The following COQ3 variants were observed in gnomAD, a reference collection of about 807,000 sequenced individuals.
The protein encoded by COQ3 is coenzyme Q3, methyltransferase.
COQ3 carries 29 observed loss-of-function variants against 33.1 expected under a neutral mutation model. The observed-to-expected ratio is 0.88, with a 90% confidence interval of 0.65 to 1.19. The LOEUF is 1.19. Among genes scored for constraint, COQ3 ranks in the 50% most tolerant of loss-of-function variants. The pLI is 0.00. For synonymous variants in COQ3, 173 were observed against 157.8 expected (o/e 1.10, Z -0.72); for missense variants, 437 against 430.7 (o/e 1.01, Z -0.13).
In COQ3 at chr6:99,369,534, T is replaced by G; in HGVS notation, c.*66A>C. 1 of 1,082,198 alleles carries G rather than the reference T, an allele frequency of 9.2e-7. No homozygotes were observed. Among genetic ancestry groups the G allele is most frequent in the Non-Finnish European group, 1.3e-6 (1 of 765,732 alleles). The allele number at this position is 1,082,198 out of a possible 1,614,324, so 67.0% of individuals were successfully genotyped here. A position where few individuals can be genotyped will look rare whatever the true frequency, so the allele number is the denominator to read the frequency against. On this transcript the variant is annotated 3_prime_UTR_variant, in exon 7 of 7. Transcript: ENST00000254759. ...TCATGATTCTCTCTCAAAGGATAAA[T>G]TGTACATTTTTGTATTTGAAAACAT...
rs747639241 is a variant in COQ3 at position 99,377,374 on chromosome 6, G to A, written c.486+12C>T. ...TCTCCCAGTTAAAAATGGCAGGAAA[G>A]CTGTCACTTACTTCAGTTAACAGCC... On this transcript the variant is annotated intron_variant, in intron 4 of 6. Transcript: ENST00000254759. 6.3e-7 allele frequency: 1 copy of A among 1,595,884 alleles called. No individual in the cohort carries two copies.
At chr6:99,377,625 A>G (rs936836914) in intron 3 of COQ3, 140 bp from the exon 4 acceptor site, 4 of 525,072 alleles carry the variant, frequency 7.6e-6, no homozygotes, top group Admixed American at 3.7e-5. Flanking sequence ...ATCTTTCAAC[A>G]TTGACATTTA....
chr6:99,371,368 C>T, intron 6 of COQ3, 60 bp downstream of exon 6: 1 of 1,105,188 alleles, frequency 9.0e-7, no homozygotes. Flanking sequence ...GTAATAATTA[C>T]TGGCATATTA....
chr6:99,379,392 A>C (rs890002941), intron 3 of COQ3, among the ~76,000 whole-genome samples: 2 of 152,148 alleles, frequency 1.3e-5, no homozygotes, highest in African/African-American at 4.8e-5. Context: ...TTTAACTTCC[A>C]CAGCAACCTA....
rs1774060980 is a variant in COQ3 at position 99,369,516 on chromosome 6, T to C, written c.*84A>G. On this transcript the variant is annotated 3_prime_UTR_variant, in exon 7 of 7. Coordinates refer to ENST00000254759, the MANE Select transcript of COQ3 (RefSeq NM_017421.4). ...TTATTGACCTTCTTTTCTTCATGAT[T>C]CTCTCTCAAAGGATAAATTGTACAT... The C allele has an allele frequency of 1.8e-6, 2 of 1,097,960 alleles. No homozygotes were observed. The highest frequency in any genetic ancestry group is 3.4e-5 in the African/African-American group (2 of 59,376). 68.0% of individuals were successfully genotyped at this position (1,097,960 alleles called of 1,614,324 possible).
intron 6 of COQ3, among the ~76,000 whole-genome samples, chr6:99,371,088 C>T (rs1774130130): frequency 6.6e-6 from 1 of 152,102 alleles, no homozygotes; most frequent in South Asian, 2.1e-4. Flanking sequence ...GTAAGATAAG[C>T]TGATACAAGC....
At chr6:99,370,405 G>A (rs1217003497) in intron 6 of COQ3, among the ~76,000 whole-genome samples, 1 of 136,486 alleles carries the variant, frequency 7.3e-6, no homozygotes, top group African/African-American at 2.8e-5. Flanking sequence ...CTGGAGTGCA[G>A]TGGCACAATC....
At chr6:99,379,329 G>A (rs967239825) in intron 3 of COQ3, among the ~76,000 whole-genome samples, 11 of 152,218 alleles carry the variant, frequency 7.2e-5, no homozygotes, top group Non-Finnish European at 1.6e-4. Flanking sequence ...CACGTTAAGT[G>A]AGAATGGTGT....
At chr6:99,385,802 C>T (rs570414038) in intron 1 of COQ3, among the ~76,000 whole-genome samples, 2 of 150,286 alleles carry the variant, frequency 1.3e-5, no homozygotes, top group Non-Finnish European at 3.0e-5. Context: ...CATGGTAAAA[C>T]CCTGTCTCTA....
At chr6:99,385,464 T>G (rs950575417) in intron 1 of COQ3, among the ~76,000 whole-genome samples, 3 of 151,896 alleles carry the variant, frequency 2.0e-5, no homozygotes, top group Non-Finnish European at 2.9e-5. Flanking sequence ...TGTAATAAGA[T>G]CAAATAAATA....
At chr6:99,389,371 C>T (rs1486190737) in intron 1 of COQ3, among the ~76,000 whole-genome samples, 2 of 152,150 alleles carry the variant, frequency 1.3e-5, no homozygotes, top group African/African-American at 2.4e-5. Context: ...GTGATCTGCC[C>T]GCCTCAGCCT....
chr6:99,387,962 C>T (rs186956490), intron 1 of COQ3, among the ~76,000 whole-genome samples: 1,640 of 151,920 alleles, frequency 0.011, 11 homozygotes, highest in Non-Finnish European at 0.013. Context: ...GTTGGGAGTT[C>T]GAGACCAGCC....
intron 1 of COQ3, among the ~76,000 whole-genome samples, chr6:99,390,826 C>T (rs1774804423): frequency 6.6e-6 from 1 of 152,188 alleles, no homozygotes; most frequent in Non-Finnish European, 1.5e-5. Context: ...CCTCGAGTAG[C>T]TGGCACTATA....
intron 1 of COQ3, among the ~76,000 whole-genome samples, chr6:99,392,623 C>T (rs1774862449): frequency 6.7e-6 from 1 of 149,908 alleles, no homozygotes; most frequent in African/African-American, 2.4e-5. Flanking sequence ...TTCCCCTCTC[C>T]AACTGCTTTT....
Position 99,377,424 on chromosome 6 carries a change from T to A in COQ3, c.448A>T (p.Ile150Phe), listed in dbSNP as rs773299712. The change falls in exon 4 of 7, where the codon ATT (isoleucine) becomes TTT (phenylalanine). Residue 150 changes from isoleucine to phenylalanine, a missense_variant. Physicochemically the swap from Ile to Phe is conservative, Grantham distance 21 (BLOSUM62 0). Transcript: ENST00000254759. ...QPGKPLLGMKILDVGCGGGLL... is the reference protein window; with the variant it reads ...QPGKPLLGMKFLDVGCGGGLL... ...CCACCACCACAGCCAACGTCAAGAA[T>A]CTTCATCCCCAACAAAGGTTTTCCT... is the stretch of plus-strand genomic sequence containing the variant. 23 of 1,613,592 alleles carry A rather than the reference T, an allele frequency of 1.4e-5. No individual in the cohort carries two copies. In the South Asian group the frequency reaches 2.4e-4, roughly 17 times the overall value.
intron 1 of COQ3, among the ~76,000 whole-genome samples, chr6:99,391,089 T>TGA (rs1288713285): frequency 5.2e-5 from 7 of 134,180 alleles, no homozygotes; most frequent in African/African-American, 5.2e-5. Flanking sequence ...ATTTATTTAT[T>TGA]TATTTATTTA....
intron 1 of COQ3, among the ~76,000 whole-genome samples, chr6:99,391,155 G>A (rs1365376876): frequency 1.3e-5 from 2 of 151,418 alleles, no homozygotes; most frequent in African/African-American, 4.9e-5. Flanking sequence ...CTGGAGTGCA[G>A]TGGTGGGTTC....
rs980999848 is a variant in COQ3, at chr6:99,369,452, C to T, written c.*148G>A. 5 of 627,214 alleles carry T rather than the reference C, an allele frequency of 8.0e-6. No individual in the cohort carries two copies. The highest frequency in any genetic ancestry group is 6.3e-5 in the South Asian group (3 of 47,680). 38.9% of individuals were successfully genotyped at this position (627,214 alleles called of 1,614,324 possible). A position where few individuals can be genotyped will look rare whatever the true frequency, so the allele number is the denominator to read the frequency against. On this transcript the variant is annotated 3_prime_UTR_variant, in exon 7 of 7. Coordinates refer to ENST00000254759, the MANE Select transcript of COQ3 (RefSeq NM_017421.4). The stretch of plus-strand genomic sequence containing the variant: ...GAATCCCTTGAAAGTAGCTATTAGA[C>T]GAAATAACAAAAACTTTTGTCCAAG...
At chr6:99,393,284 T>A (rs1774880414) in intron 1 of COQ3, among the ~76,000 whole-genome samples, 1 of 152,168 alleles carries the variant, frequency 6.6e-6, no homozygotes. Flanking sequence ...TACAAATAGA[T>A]TTAAATCATT....
Sources: allele counts gnomAD v4.1 joint callset (sites outside exome capture counted in the v4.1 genomes callset), GRCh38; gene constraint gnomAD v4.1.1; transcripts MANE v1.5; gene names NCBI Gene and HGNC (gene_info 2026-07-23, HGNC 2026-07-21).